Variants in ASB3 observed in about 807,000 individuals in gnomAD.
ASB3 encodes ankyrin repeat and SOCS box protein 3.
A neutral mutation model predicts 54.5 loss-of-function variants in ASB3; 41 were observed. The observed-to-expected ratio is 0.75, with a 90% CI of 0.59 to 0.98. The LOEUF (loss-of-function observed/expected upper bound fraction) is 0.98, where lower values mean the gene tolerates loss of function less well. Among genes scored for constraint, ASB3 ranks in the 50% least tolerant of loss-of-function variants. ASB3 has a pLI of 0.00. For missense variants in ASB3, 733 were observed against 620.0 expected, an observed-to-expected ratio of 1.18 and a Z score of -1.94; for synonymous variants, 266 against 221.2, an observed-to-expected ratio of 1.20 and a Z score of -1.80.
chr2:53,729,503 G>A lies in ASB3; in HGVS notation c.423C>T (p.Ser141=). The change falls in exon 4 of 10, where the codon TCC becomes TCT. Residue 141 remains serine (S), a synonymous_variant. Coordinates refer to ENST00000263634, the MANE Select transcript of ASB3 (RefSeq NM_016115.5). ...LLQHGANVNG[S]HSMCGWNSLH... is the part of the protein sequence containing the mutation. ...AGGAGTTCCATCCACACATAGAATG[G>A]GATCCATTAACATTTGCTCCGTGTT... 3 of 1,613,768 alleles carry A rather than the reference G, an allele frequency of 1.9e-6. No homozygotes were observed. The highest frequency in any genetic ancestry group is 2.5e-6 in the Non-Finnish European group (3 of 1,179,794).
intron 8 of ASB3, among the ~76,000 whole-genome samples, chr2:53,699,523 C>A (rs558182367): frequency 2.6e-5 from 4 of 152,106 alleles, no homozygotes; most frequent in Non-Finnish European, 5.9e-5. Flanking sequence ...AGACATCACA[C>A]GGGGTAAGAA....
At chr2:53,782,860 C>T (rs1488639017) in intron 1 of ASB3, among the ~76,000 whole-genome samples, 1 of 152,004 alleles carries the variant, frequency 6.6e-6, no homozygotes, top group African/African-American at 2.4e-5. Context: ...AATCTCGGCT[C>T]ACTGCAACCT....
chr2:53,752,788 T>C (rs1028639876), intron 2 of ASB3, among the ~76,000 whole-genome samples: 1 of 152,144 alleles, frequency 6.6e-6, no homozygotes, highest in African/African-American at 2.4e-5. Context: ...AGTAATGTGC[T>C]CCTGGTACAA....
chr2:53,748,798 T>C (rs150043135), intron 3 of ASB3, among the ~76,000 whole-genome samples: 3 of 152,254 alleles, frequency 2.0e-5, no homozygotes, highest in Admixed American at 6.5e-5. Flanking sequence ...CTTGGATTCA[T>C]CACGGACCAA....
At chr2:53,785,920 G>A (rs1334885869) in intron 1 of ASB3, among the ~76,000 whole-genome samples, 1 of 152,138 alleles carries the variant, frequency 6.6e-6, no homozygotes, top group Non-Finnish European at 1.5e-5. Flanking sequence ...TATAATTAGC[G>A]AATAACAATT....
intron 1 of ASB3, chr2:53,771,763 CAT>C: frequency 1.5e-6 from 1 of 669,504 alleles, no homozygotes; most frequent in Non-Finnish European, 2.7e-6. Context: ...TAAGCTTTAT[CAT>C]AAAAAATAAC....
intron 1 of ASB3, among the ~76,000 whole-genome samples, chr2:53,784,413 C>T (rs1019623919): frequency 6.6e-6 from 1 of 152,138 alleles, no homozygotes; most frequent in South Asian, 2.1e-4. Flanking sequence ...GGTTTTCATC[C>T]TCTATTACCT....
At chr2:53,756,226 G>A (rs1315208092) in intron 2 of ASB3, among the ~76,000 whole-genome samples, 1 of 151,950 alleles carries the variant, frequency 6.6e-6, no homozygotes, top group East Asian at 1.9e-4. Context: ...CTTCCAAAGG[G>A]AAATCCTGCC....
intron 8 of ASB3, 120 bp downstream of exon 8, chr2:53,700,151 T>C: frequency 6.8e-7 from 1 of 1,461,802 alleles, no homozygotes; most frequent in Non-Finnish European, 9.2e-7. Context: ...TCACCCCAAT[T>C]CAGCCATCAC....
intron 7 of ASB3, among the ~76,000 whole-genome samples, chr2:53,705,879 G>T (rs1222507665): frequency 6.6e-6 from 1 of 152,030 alleles, no homozygotes; most frequent in Non-Finnish European, 1.5e-5. Context: ...CCCAGAGAGG[G>T]ACAGTATGAA....
At chr2:53,748,628 G>A (rs905904868) in intron 3 of ASB3, among the ~76,000 whole-genome samples, 2 of 152,060 alleles carry the variant, frequency 1.3e-5, no homozygotes, top group African/African-American at 4.8e-5. Flanking sequence ...CACAAACCCT[G>A]AACCTTATCA....
intron 1 of ASB3, among the ~76,000 whole-genome samples, chr2:53,776,373 C>G (rs147080419): frequency 6.6e-6 from 1 of 152,156 alleles, no homozygotes; most frequent in African/African-American, 2.4e-5. Context: ...GATAAATGTG[C>G]TTTAAAATTC....
chr2:53,762,171 C>CTGTG lies in ASB3; in HGVS notation c.196+3202_196+3205dup, dbSNP rs3062426. On this transcript the variant is annotated intron_variant, in intron 2 of 9. Coordinates refer to ENST00000263634, the MANE Select transcript of ASB3 (RefSeq NM_016115.5). ...TTAATGGTAGTGAGAAGTGATCTAA[C>CTGTG]TGTGTGTGTGTGTGTGTGTGTGTAT... Among the ~76,000 whole-genome samples, 826 of 149,794 alleles carry CTGTG rather than the reference C, an allele frequency of 5.5e-3. 8 individuals are homozygous for CTGTG. The highest frequency in any genetic ancestry group is 0.015 in the African/African-American group (616 of 40,842).
intron 9 of ASB3, among the ~76,000 whole-genome samples, chr2:53,670,940 G>A (rs1213652634): frequency 6.6e-6 from 1 of 152,128 alleles, no homozygotes; most frequent in Non-Finnish European, 1.5e-5. Context: ...AACACTAAAT[G>A]CTCAAATTCT....
At chr2:53,769,850 AAG>A (rs1417339241) in intron 1 of ASB3, among the ~76,000 whole-genome samples, 1 of 152,240 alleles carries the variant, frequency 6.6e-6, no homozygotes, top group East Asian at 1.9e-4. Flanking sequence ...CTCAAAAAAA[AAG>A]AGCTAAAAAA....
At chr2:53,765,086 C>G (rs1673361366) in intron 2 of ASB3, among the ~76,000 whole-genome samples, 1 of 152,174 alleles carries the variant, frequency 6.6e-6, no homozygotes, top group African/African-American at 2.4e-5. Context: ...TGACCAGTAA[C>G]TACCAAATGC....
At chr2:53,709,428 C>T (rs941826738) in intron 7 of ASB3, among the ~76,000 whole-genome samples, 7 of 152,168 alleles carry the variant, frequency 4.6e-5, no homozygotes, top group African/African-American at 1.7e-4. Flanking sequence ...AAAGGGCCTT[C>T]TTTCTTTGCA....
chr2:53,687,531 A>G (rs1668693511), intron 9 of ASB3, among the ~76,000 whole-genome samples: 1 of 152,254 alleles, frequency 6.6e-6, no homozygotes, highest in African/African-American at 2.4e-5. Flanking sequence ...GTTAAGAACT[A>G]CTGTGAAGAA....
chr2:53,700,433 G>T lies in ASB3; in HGVS notation c.1076C>A (p.Ser359Ter). Residue 359 changes from serine to a stop codon, truncating the protein, a stop_gained, in exon 8 of 10, where the codon TCG (serine) becomes TAG (stop). Transcript: ENST00000263634. LOFTEE classifies it high-confidence loss of function. ...TTTCCTCAAAAAGTAGCGAAATATCGAAAACTTCTCGTACTTCAGGCAGTA... is the reference window on the plus strand; with the variant it reads ...TTTCCTCAAAAAGTAGCGAAATATCTAAAACTTCTCGTACTTCAGGCAGTA... ...LAYCLKYEKF[S>*]IFRYFLRKGC... 1 of 1,614,002 alleles carries T rather than the reference G, an allele frequency of 6.2e-7. No homozygotes were observed. The highest frequency in any genetic ancestry group is 8.5e-7 in the Non-Finnish European group (1 of 1,179,982).
Sources: gnomAD v4.1 joint callset for allele counts (sites outside exome capture counted in the v4.1 genomes callset) on GRCh38, gnomAD v4.1.1 for gene constraint, MANE v1.5 for transcripts, NCBI Gene and HGNC (gene_info 2026-07-23, HGNC 2026-07-21) for gene names.